Variants in ZNF480 observed in about 807,000 individuals in gnomAD.
ZNF480 encodes zinc finger protein 480.
A neutral mutation model predicts 14.4 loss-of-function variants in ZNF480; 15 were observed. The ratio of observed to expected loss-of-function variants is 1.04; its 90% confidence interval spans 0.70 to 1.60. The LOEUF (loss-of-function observed/expected upper bound fraction) is 1.60. Ranked by LOEUF, ZNF480 falls within the 40% of genes most tolerant of loss-of-function variation. The pLI is 0.00. For missense variants in ZNF480, 593 were observed against 629.7 expected, an observed-to-expected ratio of 0.94 and a Z score of 0.62; for synonymous variants, 218 against 215.5, an observed-to-expected ratio of 1.01 and a Z score of -0.10.
At position 52,322,176 on chromosome 19, in the gene ZNF480, A is replaced by T. The variant is rs752553790; in HGVS notation, c.926A>T (p.His309Leu). The T allele has an allele frequency of 1.9e-6, 3 of 1,614,118 alleles. No individual in the cohort carries two copies. In the South Asian group the frequency reaches 3.3e-5, roughly 18 times the overall value. ...TACCTTGCACGACATCAAAGAATTC[A>T]TGCTGAAGAGAAACCTTACAAATGT... The part of the protein sequence containing the change: ...NSYLARHQRI[H>L]AEEKPYKCNE... The change falls in exon 5 of 5, where the codon CAT (histidine) becomes CTT (leucine). Residue 309 changes from histidine (H) to leucine (L), a missense_variant. His to Leu is a moderately conservative substitution (Grantham distance 99). Transcript: ENST00000595962.
chr19:52,306,104 A>T (rs1165915905), intron 2 of ZNF480, among the ~76,000 whole-genome samples: 1 of 152,086 alleles, frequency 6.6e-6, no homozygotes, highest in Non-Finnish European at 1.5e-5. Flanking sequence ...ATTACCTCCA[A>T]TACCATCACA....
intron 2 of ZNF480, chr19:52,308,888 T>G (rs1983129533): frequency 6.6e-6 from 1 of 152,108 alleles, no homozygotes; most frequent in African/African-American, 2.4e-5. Context: ...ATGTATAAAT[T>G]TGTCTTATAG....
intron 2 of ZNF480, among the ~76,000 whole-genome samples, chr19:52,308,075 G>A (rs570065913): frequency 2.0e-4 from 31 of 152,182 alleles, no homozygotes; most frequent in African/African-American, 7.2e-4. Flanking sequence ...GGCTTCACTG[G>A]GCATGGTTCT....
rs971575957 is a variant in ZNF480, at chr19:52,321,673, A to G, written c.423A>G (p.Leu141=). ...SFHLHLSELE[L]FPDERVINGC... ...ACTTACATCTGTCTGAACTGGAGCT[A>G]TTTCCAGATGAAAGGGTAATAAATG... Residue 141 remains leucine, a synonymous_variant, in exon 5 of 5, where the codon CTA becomes CTG. Transcript: ENST00000595962. 1 of 1,614,076 alleles carries G rather than the reference A, an allele frequency of 6.2e-7. No homozygotes were observed. Among genetic ancestry groups the G allele is most frequent in the Non-Finnish European group, 8.5e-7 (1 of 1,179,956 alleles).
rs1279484750 is a variant in ZNF480, at chr19:52,325,109, A to G, written c.*2251A>G. ...ATTAAAAACTGGGCAAAGGCCATGAATAGACCTTTCTCAAAAGAATACATA... is the reference window on the plus strand; with the variant it reads ...ATTAAAAACTGGGCAAAGGCCATGAGTAGACCTTTCTCAAAAGAATACATA... On this transcript the variant is annotated 3_prime_UTR_variant, in exon 5 of 5. Coordinates refer to ENST00000595962, the MANE Select transcript of ZNF480 (RefSeq NM_144684.4). 1 of 152,270 alleles carries G rather than the reference A, an allele frequency of 6.6e-6. No homozygotes were observed. Among genetic ancestry groups the G allele is most frequent in the East Asian group, 1.9e-4 (1 of 5,202 alleles). 9.4% of individuals were successfully genotyped at this position (152,270 alleles called of 1,614,324 possible). A position where few individuals can be genotyped will look rare whatever the true frequency, so the allele number is the denominator to read the frequency against.
Position 52,322,407 on chromosome 19 carries a change from T to C in ZNF480, c.1157T>C (p.Leu386Pro), listed in dbSNP as rs1983876759. Reference sequence around the variant, plus strand: ...AAGGTCTTTATTCAAAATTCGCACCTAGCACAACATTGGAGAATTCATACA... The same window carrying C: ...AAGGTCTTTATTCAAAATTCGCACCCAGCACAACATTGGAGAATTCATACA... ...CGKVFIQNSH[L>P]AQHWRIHTGE... Residue 386 changes from leucine to proline, a missense_variant, in exon 5 of 5, where the codon CTA becomes CCA. By Grantham distance (98) the Leu-to-Pro change is moderately conservative. Coordinates refer to ENST00000595962, the MANE Select transcript of ZNF480 (RefSeq NM_144684.4). The C allele has an allele frequency of 1.2e-6, 2 of 1,613,926 alleles. No individual in the cohort carries two copies. The highest frequency in any genetic ancestry group is 1.7e-6 in the Non-Finnish European group (2 of 1,180,000).
intron 4 of ZNF480, among the ~76,000 whole-genome samples, chr19:52,319,516 T>C (rs1190866482): frequency 6.6e-6 from 1 of 152,198 alleles, no homozygotes; most frequent in Non-Finnish European, 1.5e-5. Context: ...TCTTCCTCTG[T>C]CTTTGATGTT....
At chr19:52,300,662 C>G (rs1286936508) in intron 2 of ZNF480, 178 bp downstream of exon 2, 3 of 1,044,010 alleles carry the variant, frequency 2.9e-6, no homozygotes, top group African/African-American at 1.6e-5. Flanking sequence ...CCTAGTGGCA[C>G]TAGAGGAATT....
chr19:52,316,732 C>A (rs1421833299), intron 4 of ZNF480, among the ~76,000 whole-genome samples: 1 of 151,972 alleles, frequency 6.6e-6, no homozygotes, highest in Non-Finnish European at 1.5e-5. Flanking sequence ...TCACTGTCTC[C>A]CCTCCCGCTT....
chr19:52,313,759 A>G (rs1472275634), intron 2 of ZNF480: 5 of 434,136 alleles, frequency 1.2e-5, no homozygotes, highest in Non-Finnish European at 1.9e-5. Flanking sequence ...GGAGGCTGAG[A>G]TGTGTGGACA....
chr19:52,321,603 A>T lies in ZNF480; in HGVS notation c.353A>T (p.Asn118Ile), dbSNP rs1165694993. The T allele has an allele frequency of 6.2e-7, 1 of 1,600,932 alleles. No homozygotes were observed. The highest frequency in any genetic ancestry group is 8.5e-7 in the Non-Finnish European group (1 of 1,172,326). The change falls in exon 5 of 5, where the codon AAT (asparagine) becomes ATT (isoleucine). Residue 118 changes from asparagine (N) to isoleucine (I), a missense_variant. Coordinates refer to ENST00000595962, the MANE Select transcript of ZNF480 (RefSeq NM_144684.4). ...NTGSSYALGSNAEDKPIKKQL... is the reference protein window; with the variant it reads ...NTGSSYALGSIAEDKPIKKQL... ...GGGAGCAGCTATGCATTGGGAAGCA[A>T]TGCAGAAGACAAACCAATTAAAAAA...
chr19:52,318,357 T>A (rs1050867474), intron 4 of ZNF480, among the ~76,000 whole-genome samples: 8 of 152,092 alleles, frequency 5.3e-5, no homozygotes, highest in Non-Finnish European at 1.0e-4. Flanking sequence ...ATCTACCTGC[T>A]GCAGCCTCTC....
chr19:52,312,751 TAGAATAGTG>T (rs1476758728), intron 2 of ZNF480, among the ~76,000 whole-genome samples: 5 of 152,296 alleles, frequency 3.3e-5, no homozygotes, highest in Admixed American at 1.3e-4. Context: ...GTAAAGCATT[TAGAATAGTG>T]CCTGTCACAT....
chr19:52,311,942 T>C (rs1600217414), intron 2 of ZNF480, among the ~76,000 whole-genome samples: 1 of 152,168 alleles, frequency 6.6e-6, no homozygotes, highest in East Asian at 1.9e-4. Context: ...TATATATAAG[T>C]GTGGACCGTG....
intron 4 of ZNF480, 142 bp downstream of exon 4, chr19:52,316,104 G>A (rs1207522846): frequency 1.2e-6 from 1 of 817,584 alleles, no homozygotes; most frequent in African/African-American, 1.7e-5. Context: ...ATGAAACAGA[G>A]CCTGAGAGAC....
In ZNF480 at chr19:52,322,953, T is replaced by A. The variant is rs1445073044; in HGVS notation, c.*95T>A. On this transcript the variant is annotated 3_prime_UTR_variant, in exon 5 of 5. Coordinates refer to ENST00000595962, the MANE Select transcript of ZNF480 (RefSeq NM_144684.4). Reference sequence around the variant, plus strand: ...CCATACTGCAAAGAAATTTTGCAAATGTAAAGAATATGACAAGGTCTTCAA... The same window carrying A: ...CCATACTGCAAAGAAATTTTGCAAAAGTAAAGAATATGACAAGGTCTTCAA... The A allele has an allele frequency of 9.3e-6, 11 of 1,187,932 alleles. No individual in the cohort carries two copies. The highest frequency in any genetic ancestry group is 1.0e-5 in the Non-Finnish European group (9 of 879,116). The allele number at this position is 1,187,932 out of a possible 1,614,324, so 73.6% of individuals were successfully genotyped here.
chr19:52,313,435 G>C (rs1983388610), intron 2 of ZNF480, among the ~76,000 whole-genome samples: 2 of 151,656 alleles, frequency 1.3e-5, no homozygotes, highest in Non-Finnish European at 2.9e-5. Flanking sequence ...ACCATGCCTG[G>C]CCTATAATTC....
chr19:52,319,814 T>G lies in ZNF480; in HGVS notation c.329-1765T>G, dbSNP rs7255630. 1.7e-3 allele frequency among the ~76,000 whole-genome samples: 126 copies of G among 74,998 alleles called. 1 individual carries two copies. The highest frequency in any genetic ancestry group is 0.013 in the Middle Eastern group (2 of 160). The allele number at this position is 74,998 out of a possible 152,430, so 49.2% of individuals were successfully genotyped here. A position where few individuals can be genotyped will look rare whatever the true frequency, so the allele number is the denominator to read the frequency against. On this transcript the variant is annotated intron_variant, in intron 4 of 4. Transcript: ENST00000595962. ...TGGTCTTTGTAGCTGATACTGTGTT[T>G]TTTTTTTTTTTTTTTTTTTTTAAAT...
intron 4 of ZNF480, 144 bp downstream of exon 4, chr19:52,316,106 C>T: frequency 2.5e-6 from 2 of 786,174 alleles, no homozygotes; most frequent in Non-Finnish European, 3.7e-6. Context: ...GAAACAGAGC[C>T]TGAGAGACAG....
Sources: allele counts gnomAD v4.1 joint callset (sites outside exome capture counted in the v4.1 genomes callset), GRCh38; gene constraint gnomAD v4.1.1; transcripts MANE v1.5; gene names NCBI Gene and HGNC (gene_info 2026-07-23, HGNC 2026-07-21).